The following EML6 variants were observed in gnomAD, a reference collection of about 807,000 sequenced individuals.
The protein encoded by EML6 is echinoderm microtubule-associated protein-like 6.
In EML6, 154 loss-of-function variants were observed where a neutral mutation model predicts 240.1. The ratio of observed to expected loss-of-function variants is 0.64; its 90% CI spans 0.56 to 0.73. The LOEUF is 0.73. EML6 is among the 30% of genes least tolerant of loss of function. The probability of loss-of-function intolerance (pLI) is 0.00; values close to 1 mark genes in which losing one functional copy is unlikely to be tolerated. For synonymous variants in EML6, 1,148 were observed against 899.0 expected, an observed-to-expected ratio of 1.28 and a Z score of -4.95; for missense variants, 2,964 against 2,474.6, an observed-to-expected ratio of 1.20 and a Z score of -4.20.
At position 54,800,117 on chromosome 2, in the gene EML6, C is replaced by T. The variant is rs541829697; in HGVS notation, c.198-13115C>T. ...AAAATTAGCTGGGTGTGGTGGCACA[C>T]GCCTGTAATCCCAGCTACTCGGGAG... On this transcript the variant is annotated intron_variant, in intron 2 of 41. Coordinates refer to ENST00000356458, the MANE Select transcript of EML6 (RefSeq NM_001039753.4). Among the ~76,000 whole-genome samples the T allele has an allele frequency of 2.1e-3, 324 of 152,222 alleles. 2 individuals are homozygous for T. The highest frequency in any genetic ancestry group is 7.0e-3 in the African/African-American group (289 of 41,522).
intron 17 of EML6, among the ~76,000 whole-genome samples, chr2:54,886,878 C>T (rs1672174781): frequency 1.3e-5 from 2 of 152,152 alleles, no homozygotes; most frequent in Admixed American, 6.5e-5. Context: ...TAGGTACTTC[C>T]TGTCACATCA....
chr2:54,852,311 C>G (rs1044771285), intron 10 of EML6, among the ~76,000 whole-genome samples: 14 of 152,136 alleles, frequency 9.2e-5, no homozygotes, highest in African/African-American at 3.1e-4. Flanking sequence ...AAGACTCTGC[C>G]TTATCAAATT....
At chr2:54,820,263 T>G (rs1040382449) in intron 4 of EML6, 131 bp from the exon 5 acceptor site, 2 of 602,900 alleles carry the variant, frequency 3.3e-6, no homozygotes, top group Non-Finnish European at 5.8e-6. Flanking sequence ...AGCCAAATCT[T>G]CCATTTTTAT....
At chr2:54,742,096 A>G (rs1683669090) in intron 2 of EML6, among the ~76,000 whole-genome samples, 1 of 152,196 alleles carries the variant, frequency 6.6e-6, no homozygotes, top group Non-Finnish European at 1.5e-5. Flanking sequence ...AAGATTCCTC[A>G]AGTGGTTTTA....
intron 24 of EML6, 83 bp downstream of exon 24, chr2:54,903,585 G>T: frequency 2.7e-5 from 26 of 958,972 alleles, no homozygotes; most frequent in East Asian, 7.9e-5. Flanking sequence ...GAGAATGGCA[G>T]TTGAGTGTTA....
intron 31 of EML6, among the ~76,000 whole-genome samples, chr2:54,952,922 G>A (rs773731286): frequency 3.9e-5 from 6 of 152,122 alleles, no homozygotes; most frequent in African/African-American, 1.4e-4. Context: ...CCAAATAAAC[G>A]TTGGCCCCCA....
At chr2:54,879,017 C>G (rs563915244) in intron 16 of EML6, among the ~76,000 whole-genome samples, 1 of 152,204 alleles carries the variant, frequency 6.6e-6, no homozygotes, top group East Asian at 1.9e-4. Context: ...GTAAAATCAT[C>G]TTTTGAAAGA....
chr2:54,853,622 GTTAATA>G lies in EML6; in HGVS notation c.1445-18_1445-13del, dbSNP rs1186295985. The stretch of plus-strand genomic sequence containing the variant: ...AATAAACTTTTTATTTAAATGTAAT[GTTAATA>G]TTGATTATTTTCAGCTGGGAAGCCT... On this transcript the variant is annotated splice_polypyrimidine_tract_variant and intron_variant, in intron 10 of 41. Coordinates refer to ENST00000356458, the MANE Select transcript of EML6 (RefSeq NM_001039753.4). 1 of 1,411,766 alleles carries G rather than the reference GTTAATA, an allele frequency of 7.1e-7. No individual in the cohort carries two copies. The highest frequency in any genetic ancestry group is 1.4e-5 in the African/African-American group (1 of 70,012). The allele number at this position is 1,411,766 out of a possible 1,614,324, so 87.5% of individuals were successfully genotyped here.
At chr2:54,940,201 A>G (rs1675358780) in intron 28 of EML6, among the ~76,000 whole-genome samples, 1 of 152,170 alleles carries the variant, frequency 6.6e-6, no homozygotes. Flanking sequence ...TTTTTATTAG[A>G]CTGTGCTTAC....
intron 7 of EML6, among the ~76,000 whole-genome samples, chr2:54,840,279 A>G (rs1172141315): frequency 1.5e-5 from 2 of 136,028 alleles, no homozygotes; most frequent in Non-Finnish European, 3.4e-5. Context: ...TGCCTGGAAA[A>G]GGGCCGTGTC....
chr2:54,957,593 C>A (rs1233303970), intron 32 of EML6, among the ~76,000 whole-genome samples, 197 bp from the exon 33 acceptor site: 1 of 152,228 alleles, frequency 6.6e-6, no homozygotes, highest in Non-Finnish European at 1.5e-5. Context: ...GTTACCAGCA[C>A]CTGCTGCTCT....
At chr2:54,961,469 G>A (rs1212244556) in intron 35 of EML6, among the ~76,000 whole-genome samples, 1 of 151,652 alleles carries the variant, frequency 6.6e-6, no homozygotes, top group African/African-American at 2.4e-5. Flanking sequence ...TTACAGGCGT[G>A]AGCCATCACA....
At chr2:54,826,719 T>C (rs947023862) in intron 5 of EML6, among the ~76,000 whole-genome samples, 3 of 152,204 alleles carry the variant, frequency 2.0e-5, no homozygotes, top group Non-Finnish European at 2.9e-5. Context: ...TTCTACACAA[T>C]GGACACATTT....
At chr2:54,876,856 C>T (rs1671533046) in intron 16 of EML6, among the ~76,000 whole-genome samples, 1 of 152,100 alleles carries the variant, frequency 6.6e-6, no homozygotes, top group South Asian at 2.1e-4. Flanking sequence ...TCAAGATCTT[C>T]TTTTCTAGCT....
chr2:54,744,905 T>TAC (rs56324677), intron 2 of EML6, among the ~76,000 whole-genome samples: 4,693 of 107,136 alleles, frequency 0.044, 227 homozygotes, highest in East Asian at 0.059. Flanking sequence ...CACACACACG[T>TAC]ACACACACAC....
chr2:54,885,165 C>T (rs1486109953), intron 17 of EML6, among the ~76,000 whole-genome samples: 1 of 151,174 alleles, frequency 6.6e-6, no homozygotes, highest in African/African-American at 2.4e-5. Flanking sequence ...TCAAAAAAAA[C>T]CTGGCACGGT....
chr2:54,756,693 G>C (rs1032343444), intron 2 of EML6, among the ~76,000 whole-genome samples: 3 of 151,832 alleles, frequency 2.0e-5, no homozygotes, highest in African/African-American at 7.3e-5. Flanking sequence ...TAAAAGGTAG[G>C]ATTTCTAATT....
chr2:54,777,616 C>T (rs1002078923), intron 2 of EML6, among the ~76,000 whole-genome samples: 3 of 152,034 alleles, frequency 2.0e-5, no homozygotes, highest in African/African-American at 7.2e-5. Context: ...TGTATTTTGT[C>T]ATTGGCCATG....
chr2:54,926,877 C>T (rs1385824305), intron 26 of EML6, among the ~76,000 whole-genome samples: 1 of 152,108 alleles, frequency 6.6e-6, no homozygotes, highest in East Asian at 1.9e-4. Flanking sequence ...TTTTTTCTTG[C>T]CATCTAGAAA....
Sources: allele counts gnomAD v4.1 joint callset (sites outside exome capture counted in the v4.1 genomes callset), GRCh38; gene constraint gnomAD v4.1.1; transcripts MANE v1.5; gene names NCBI Gene and HGNC (gene_info 2026-07-23, HGNC 2026-07-21).